Variants in GRM1 observed in about 807,000 individuals in gnomAD.
GRM1 encodes the protein metabotropic glutamate receptor 1.
A neutral mutation model predicts 90.9 loss-of-function variants in GRM1; 33 were observed. That is an observed-to-expected ratio of 0.36 (90% CI 0.28 to 0.49). GRM1 has a LOEUF of 0.49. Ranked by LOEUF, GRM1 falls within the 20% of genes least tolerant of loss-of-function variation. The probability of loss-of-function intolerance (pLI) is 0.99; values close to 1 mark genes in which losing one functional copy is unlikely to be tolerated. For missense variants in GRM1, 1,190 were observed against 1,534.3 expected (o/e 0.78, Z 3.75); for synonymous variants, 700 against 613.2 (o/e 1.14, Z -2.09).
chr6:146,056,940 AGAACTGT>A (rs1264759766), intron 1 of GRM1, among the ~76,000 whole-genome samples: 1 of 152,164 alleles, frequency 6.6e-6, no homozygotes, highest in Admixed American at 6.6e-5. Context: ...TCTCACCAGA[AGAACTGT>A]GAACAGATGC....
chr6:146,180,639 CT>C (rs1778517289), intron 2 of GRM1, among the ~76,000 whole-genome samples: 1 of 150,306 alleles, frequency 6.7e-6, no homozygotes, highest in Admixed American at 6.6e-5. Flanking sequence ...GATCATTTTT[CT>C]TTTTTCTTTT....
At chr6:146,088,016 A>G (rs1437170748) in intron 1 of GRM1, among the ~76,000 whole-genome samples, 1 of 152,182 alleles carries the variant, frequency 6.6e-6, no homozygotes, top group Non-Finnish European at 1.5e-5. Flanking sequence ...AGAAACTGCC[A>G]AACTATTTTC....
chr6:146,159,395 C>A lies in GRM1; in HGVS notation c.748C>A (p.Gln250Lys). ...GMDAFKELAA[Q>K]EGLCIAHSDK... ...GGACGCTTTCAAAGAGCTGGCTGCCCAGGAAGGCCTCTGTATCGCCCATTC... is the reference window on the plus strand; with the variant it reads ...GGACGCTTTCAAAGAGCTGGCTGCCAAGGAAGGCCTCTGTATCGCCCATTC... Residue 250 changes from glutamine (Q) to lysine (K), a missense_variant, in exon 2 of 8, where the codon CAG becomes AAG. Transcript: ENST00000282753. 1 of 1,614,122 alleles carries A rather than the reference C, an allele frequency of 6.2e-7. No homozygotes were observed. The highest frequency in any genetic ancestry group is 8.5e-7 in the Non-Finnish European group (1 of 1,179,968).
intron 1 of GRM1, among the ~76,000 whole-genome samples, chr6:146,041,239 C>T (rs1791090926): frequency 6.6e-6 from 1 of 151,996 alleles, no homozygotes; most frequent in African/African-American, 2.4e-5. Flanking sequence ...ATTGCCATCT[C>T]ATTGGAGTCA....
chr6:146,259,781 G>T (rs1302924390), intron 2 of GRM1, among the ~76,000 whole-genome samples: 6 of 151,838 alleles, frequency 4.0e-5, no homozygotes, highest in Non-Finnish European at 5.9e-5. Context: ...CTATCTCTTT[G>T]TGTTCCTGAT....
chr6:146,087,829 T>C (rs1434561847), intron 1 of GRM1, among the ~76,000 whole-genome samples: 1 of 152,190 alleles, frequency 6.6e-6, no homozygotes, highest in Non-Finnish European at 1.5e-5. Context: ...CAGTTTGTCT[T>C]AACCATTCCC....
rs1777109138 is a variant in GRM1 at position 146,146,524 on chromosome 6, GAA to G, written c.701-12823_701-12822del. On this transcript the variant is annotated intron_variant, in intron 1 of 7. Transcript: ENST00000282753. ...ATGGGATTGGAATGAAGGTATTTGT[GAA>G]GGACATGAGTTTTGGGGACCGTGGT... Among the ~76,000 whole-genome samples the G allele has an allele frequency of 5.9e-5, 9 of 152,272 alleles. 1 individual carries two copies. The South Asian group carries it at 1.9e-3, about 32-fold the overall frequency.
At chr6:146,080,518 G>A (rs1562450301) in intron 1 of GRM1, among the ~76,000 whole-genome samples, 1 of 152,108 alleles carries the variant, frequency 6.6e-6, no homozygotes, top group Non-Finnish European at 1.5e-5. Flanking sequence ...ATGAGAGAAG[G>A]GAGGAAGTTA....
chr6:146,197,117 G>A (rs1226719016), intron 2 of GRM1, among the ~76,000 whole-genome samples: 21 of 152,156 alleles, frequency 1.4e-4, no homozygotes, highest in Admixed American at 1.4e-3. Flanking sequence ...ACTTTGTGGA[G>A]GACATAGAAC....
rs772966925 is a variant in GRM1 at position 146,159,639 on chromosome 6, T to TCACACA, written c.950+43_950+44insACACAC. The stretch of plus-strand genomic sequence containing the variant: ...CTCTCTCTCTCTCTCTCTCTCTCTC[T>TCACACA]CTCACACACACACATGCACACACAC... On this transcript the variant is annotated intron_variant, in intron 2 of 7. Transcript: ENST00000282753. 929 of 1,125,462 alleles carry TCACACA rather than the reference T, an allele frequency of 8.3e-4. 6 individuals are homozygous for TCACACA. The African/African-American group carries it at 8.6e-3, about 10-fold the overall frequency. 69.7% of individuals were successfully genotyped at this position (1,125,462 alleles called of 1,614,324 possible).
rs770232314 is a variant in GRM1 at position 146,212,510 on chromosome 6, C to T, written c.950+52913C>T. ...CTAAACCAGATATTAATGCTCCAGG[C>T]CTATAAATATCAGCACATAGCTGCT... On this transcript the variant is annotated intron_variant, in intron 2 of 7. Coordinates refer to ENST00000282753, the MANE Select transcript of GRM1 (RefSeq NM_001278064.2). Among the ~76,000 whole-genome samples the T allele has an allele frequency of 3.5e-4, 54 of 152,260 alleles. 1 individual carries two copies. Among genetic ancestry groups the T allele is most frequent in the Non-Finnish European group, 6.9e-4 (47 of 68,016 alleles).
At chr6:146,425,555 G>A in intron 7 of GRM1, among the ~76,000 whole-genome samples, 1 of 152,142 alleles carries the variant, frequency 6.6e-6, no homozygotes, top group Non-Finnish European at 1.5e-5. Flanking sequence ...CTGGGTAGAG[G>A]GTCAGATGTT....
chr6:146,092,476 G>A (rs1776746190), intron 1 of GRM1, among the ~76,000 whole-genome samples: 1 of 152,038 alleles, frequency 6.6e-6, no homozygotes, highest in African/African-American at 2.4e-5. Context: ...TGTGGTTTTG[G>A]TATTGTATTA....
intron 2 of GRM1, among the ~76,000 whole-genome samples, chr6:146,203,450 A>C (rs570790846): frequency 6.6e-6 from 1 of 152,216 alleles, no homozygotes; most frequent in East Asian, 1.9e-4. Context: ...GTGCATGCAA[A>C]GTGAGGCACA....
chr6:146,171,712 G>A, intron 2 of GRM1: 1 of 294,806 alleles, frequency 3.4e-6, no homozygotes, highest in Non-Finnish European at 7.1e-6. Flanking sequence ...CAAAAGAACA[G>A]CTGAAGATCC....
chr6:146,054,503 T>G (rs1775410796), intron 1 of GRM1, among the ~76,000 whole-genome samples: 1 of 152,076 alleles, frequency 6.6e-6, no homozygotes, highest in Non-Finnish European at 1.5e-5. Flanking sequence ...TACCTTATAT[T>G]TTATCCAAAA....
chr6:146,169,781 G>A (rs1378108190), intron 2 of GRM1, among the ~76,000 whole-genome samples: 1 of 152,134 alleles, frequency 6.6e-6, no homozygotes, highest in Non-Finnish European at 1.5e-5. Flanking sequence ...TACAATGTCT[G>A]ATAACAGTTG....
intron 2 of GRM1, among the ~76,000 whole-genome samples, chr6:146,211,472 T>C (rs1779685569): frequency 6.6e-6 from 1 of 152,224 alleles, no homozygotes; most frequent in South Asian, 2.1e-4. Flanking sequence ...GGAAGTTTGA[T>C]ATTTAATCAG....
chr6:146,246,330 G>A (rs1017575968), intron 2 of GRM1, among the ~76,000 whole-genome samples: 1 of 152,156 alleles, frequency 6.6e-6, no homozygotes, highest in Non-Finnish European at 1.5e-5. Context: ...TTGGAAAGTT[G>A]GTAAGATTCC....
Sources: allele counts gnomAD v4.1 joint callset (sites outside exome capture counted in the v4.1 genomes callset), GRCh38; gene constraint gnomAD v4.1.1; transcripts MANE v1.5; gene names NCBI Gene and HGNC (gene_info 2026-07-23, HGNC 2026-07-21).